HNMT: variants seen among roughly 807,000 people sequenced by gnomAD.
HNMT encodes histamine N-methyltransferase.
Under a neutral mutation model 32.1 loss-of-function variants are expected in HNMT, and 30 were observed. The observed-to-expected ratio is 0.93, with a 90% confidence interval of 0.70 to 1.27. The LOEUF (loss-of-function observed/expected upper bound fraction) is 1.27, where lower values mean the gene tolerates loss of function less well. HNMT is among the 50% of genes most tolerant of loss of function. HNMT has a pLI of 0.00. For synonymous variants in HNMT, 125 were observed against 119.0 expected, an observed-to-expected ratio of 1.05 and a Z score of -0.33; for missense variants, 327 against 346.0, an observed-to-expected ratio of 0.95 and a Z score of 0.43.
chr2:138,002,635 T>TG (rs1681209244), intron 4 of HNMT: 1 of 220,482 alleles, frequency 4.5e-6, no homozygotes, highest in African/African-American at 2.3e-5. Context: ...TTTGTAGAGA[T>TG]GGGGTCATAC....
At chr2:137,992,583 G>A (rs1029475790) in intron 2 of HNMT, among the ~76,000 whole-genome samples, 1 of 152,142 alleles carries the variant, frequency 6.6e-6, no homozygotes, top group African/African-American at 2.4e-5. Flanking sequence ...TGTCCCTAGG[G>A]GGAGGGATGG....
At chr2:137,980,421 T>C (rs771330611) in intron 2 of HNMT, among the ~76,000 whole-genome samples, 11 of 152,180 alleles carry the variant, frequency 7.2e-5, no homozygotes, top group African/African-American at 2.7e-4. Context: ...TCAGAGCCTA[T>C]AGATTCTCAG....
intron 2 of HNMT, among the ~76,000 whole-genome samples, chr2:137,987,600 A>G (rs1318681959): frequency 1.2e-5 from 1 of 86,460 alleles, no homozygotes; most frequent in Non-Finnish European, 2.1e-5. Flanking sequence ...GACAATGGCC[A>G]CTTTTTTTTT....
Position 137,995,935 on chromosome 2 carries a change from A to G in HNMT, c.191-4983A>G, listed in dbSNP as rs370817091. ...ACAAAAACCACATTATTATCTCAAT[A>G]GATGCAGAAAAGGCCTTTGATAAAA... On this transcript the variant is annotated intron_variant, in intron 2 of 5. Coordinates refer to ENST00000280097, the MANE Select transcript of HNMT (RefSeq NM_006895.3). Among the ~76,000 whole-genome samples the G allele has an allele frequency of 1.6e-4, 24 of 152,368 alleles. No individual in the cohort carries two copies. The East Asian group carries it at 2.9e-3, about 18-fold the overall frequency.
At chr2:138,013,399 A>G (rs990085429) in intron 5 of HNMT, among the ~76,000 whole-genome samples, 16 of 152,008 alleles carry the variant, frequency 1.1e-4, no homozygotes, top group African/African-American at 3.9e-4. Context: ...TGGGCCAAGT[A>G]TCATCCTGTA....
chr2:137,994,036 G>A (rs1199716429), intron 2 of HNMT, among the ~76,000 whole-genome samples: 1 of 152,118 alleles, frequency 6.6e-6, no homozygotes, highest in African/African-American at 2.4e-5. Flanking sequence ...AAGATGGAAA[G>A]GAAAAGCCAG....
chr2:137,993,142 T>C (rs942334866), intron 2 of HNMT, among the ~76,000 whole-genome samples: 6 of 152,130 alleles, frequency 3.9e-5, no homozygotes, highest in Non-Finnish European at 8.8e-5. Context: ...AGAGTGCCTT[T>C]TGTCCTCCAA....
intron 1 of HNMT, chr2:137,967,339 G>C (rs536053974): frequency 2.0e-6 from 1 of 512,640 alleles, no homozygotes; most frequent in East Asian, 3.1e-5. Context: ...AGAGATCGAG[G>C]CTTCAGTGAG....
At chr2:137,989,376 G>A (rs1680750007) in intron 2 of HNMT, among the ~76,000 whole-genome samples, 1 of 152,058 alleles carries the variant, frequency 6.6e-6, no homozygotes. Flanking sequence ...ATGCATTTAA[G>A]TTTCTTCCAT....
chr2:137,987,401 T>A (rs1227025421), intron 2 of HNMT, among the ~76,000 whole-genome samples: 1 of 152,194 alleles, frequency 6.6e-6, no homozygotes, highest in East Asian at 1.9e-4. Context: ...CACATTTTTT[T>A]CACTTACCCC....
intron 1 of HNMT, among the ~76,000 whole-genome samples, chr2:137,968,433 C>T (rs1281192425): frequency 6.6e-6 from 1 of 152,130 alleles, no homozygotes; most frequent in Non-Finnish European, 1.5e-5. Context: ...TTGTCATGTG[C>T]AGATACATTT....
At chr2:137,997,265 C>A (rs1351772834) in intron 2 of HNMT, among the ~76,000 whole-genome samples, 1 of 151,842 alleles carries the variant, frequency 6.6e-6, no homozygotes, top group African/African-American at 2.4e-5. Context: ...AATTTCTGTG[C>A]TCTACCCATC....
At chr2:137,981,225 T>C in intron 2 of HNMT, 1 of 1,613,650 alleles carries the variant, frequency 6.2e-7, no homozygotes, top group Non-Finnish European at 8.5e-7. Flanking sequence ...GATTGTCTCA[T>C]TCGGGGAAGC....
chr2:137,981,320 C>T (rs201126681), intron 2 of HNMT: 7 of 1,613,222 alleles, frequency 4.3e-6, no homozygotes, highest in South Asian at 1.1e-5. Context: ...CCATGATGAG[C>T]GCTCTTCTGA....
intron 1 of HNMT, among the ~76,000 whole-genome samples, chr2:137,969,603 C>T (rs1399954359): frequency 6.6e-6 from 1 of 152,092 alleles, no homozygotes; most frequent in Non-Finnish European, 1.5e-5. Flanking sequence ...GCTTATTTCC[C>T]AATCTGTCCA....
chr2:137,967,152 T>C (rs1223790963), intron 1 of HNMT: 1 of 776,272 alleles, frequency 1.3e-6, no homozygotes, highest in East Asian at 2.4e-5. Flanking sequence ...GGTTCACGCC[T>C]GTAATCCTAG....
At chr2:137,979,630 T>G (rs962276065) in intron 2 of HNMT, among the ~76,000 whole-genome samples, 1 of 152,112 alleles carries the variant, frequency 6.6e-6, no homozygotes, top group African/African-American at 2.4e-5. Context: ...TAAGAGAATA[T>G]AGTATAGCCA....
intron 2 of HNMT, chr2:137,981,066 G>A: frequency 2.9e-6 from 3 of 1,027,112 alleles, no homozygotes; most frequent in Non-Finnish European, 4.0e-6. Flanking sequence ...GAACAAAAAT[G>A]ATAATAATCT....
In HNMT at chr2:138,008,360, G is replaced by A. The variant is rs185918621; in HGVS notation, c.523+3135G>A. On this transcript the variant is annotated intron_variant, in intron 5 of 5. Transcript: ENST00000280097. ...CTGCATAGTATTCCATAGTGTATAT[G>A]TATCACATTTTCTTTAACCACTCTG... 2.6e-5 allele frequency among the ~76,000 whole-genome samples: 4 copies of A among 152,058 alleles called. No individual in the cohort carries two copies. In the East Asian group the frequency reaches 5.8e-4, roughly 22 times the overall value.
Sources: gnomAD v4.1 joint callset for allele counts (sites outside exome capture counted in the v4.1 genomes callset) on GRCh38, gnomAD v4.1.1 for gene constraint, MANE v1.5 for transcripts, NCBI Gene and HGNC (gene_info 2026-07-23, HGNC 2026-07-21) for gene names.